The following ALG13 variants were observed in gnomAD, a reference collection of about 807,000 sequenced individuals.
ALG13 encodes the protein UDP-N-acetylglucosamine transferase subunit ALG13.
Under a neutral mutation model 87.8 loss-of-function variants are expected in ALG13, and 11 were observed. The observed-to-expected ratio is 0.13, with a 90% CI of 0.08 to 0.21. The LOEUF is 0.21. Among genes scored for constraint, ALG13 ranks in the 10% least tolerant of loss-of-function variants. The pLI, the probability that ALG13 is intolerant of heterozygous loss-of-function variation, is 1.00. For synonymous variants in ALG13, 320 were observed against 306.3 expected (o/e 1.04, Z -0.47); for missense variants, 756 against 866.1 (o/e 0.87, Z 1.60).
intron 21 of ALG13, among the ~76,000 whole-genome samples, chrX:111,732,335 G>T (rs773321771): frequency 5.4e-5 from 6 of 111,969 alleles, no homozygotes; most frequent in Non-Finnish European, 9.4e-5. Flanking sequence ...GTCAAGCTAG[G>T]TTATGCTGCA....
At chrX:111,704,500 G>A (rs762072443) in intron 3 of ALG13, among the ~76,000 whole-genome samples, 2 of 112,075 alleles carry the variant, frequency 1.8e-5, no homozygotes, top group African/African-American at 6.5e-5. Context: ...TTATGCAGGG[G>A]ATTGAACTAT....
chrX:111,744,506 C>G (rs1410037373), intron 23 of ALG13, among the ~76,000 whole-genome samples, 162 bp from the exon 24 acceptor site: 1 of 111,225 alleles, frequency 9.0e-6, no homozygotes, highest in Non-Finnish European at 1.9e-5. Flanking sequence ...ATTGGTATGT[C>G]TAAGAGAATG....
intron 3 of ALG13, among the ~76,000 whole-genome samples, chrX:111,699,996 T>G (rs903161605): frequency 2.7e-5 from 3 of 109,424 alleles, no homozygotes; most frequent in Non-Finnish European, 5.7e-5. Flanking sequence ...CACAATATTC[T>G]TCCAATCCAT....
intron 13 of ALG13, among the ~76,000 whole-genome samples, chrX:111,723,569 C>T (rs576707843): frequency 6.7e-4 from 73 of 108,888 alleles, no homozygotes; most frequent in South Asian, 1.9e-3. Context: ...CACACCCAGC[C>T]GAAAAAAAAA....
chrX:111,701,691 C>T (rs1937904161), intron 3 of ALG13, among the ~76,000 whole-genome samples: 1 of 111,102 alleles, frequency 9.0e-6, no homozygotes, highest in Admixed American at 9.5e-5. Flanking sequence ...TTTATTTATG[C>T]TCTGATCTTT....
chrX:111,694,622 A>G (rs896791181), intron 3 of ALG13, among the ~76,000 whole-genome samples: 6 of 112,093 alleles, frequency 5.4e-5, no homozygotes, highest in African/African-American at 1.9e-4. Flanking sequence ...GTGTGCTACT[A>G]AAGTACTTGG....
At chrX:111,694,043 A>G (rs768355144) in intron 3 of ALG13, among the ~76,000 whole-genome samples, 39 of 106,582 alleles carry the variant, frequency 3.7e-4, no homozygotes, top group African/African-American at 1.4e-3. Context: ...TTCTATTTTT[A>G]TTTATTTATT....
chrX:111,682,362 C>T lies in ALG13; in HGVS notation c.244+68C>T, dbSNP rs188094350. 4.2e-4 allele frequency: 381 copies of T among 917,675 alleles called. No individual in the cohort carries two copies. The African/African-American group carries it at 7.1e-3, about 17-fold the overall frequency. The allele number at this position is 917,675 out of a possible 1,213,427, so 75.6% of individuals were successfully genotyped here. A position where few individuals can be genotyped will look rare whatever the true frequency, so the allele number is the denominator to read the frequency against. On this transcript the variant is annotated intron_variant, in intron 2 of 26. Coordinates refer to ENST00000394780, the MANE Select transcript of ALG13 (RefSeq NM_001099922.3). ...AATTTTTTTTAAGTTCTGGGGTATTCTGGGGGTACATGTGCAGGATGTGCG... is the reference window on the plus strand; with the variant it reads ...AATTTTTTTTAAGTTCTGGGGTATTTTGGGGGTACATGTGCAGGATGTGCG...
intron 3 of ALG13, among the ~76,000 whole-genome samples, chrX:111,692,462 G>A (rs1466506319): frequency 9.0e-6 from 1 of 111,229 alleles, no homozygotes; most frequent in Non-Finnish European, 1.9e-5. Context: ...TCTTGATTAG[G>A]ATTAGGTATT....
At chrX:111,719,017 T>A (rs985418889) in intron 10 of ALG13, among the ~76,000 whole-genome samples, 2 of 100,825 alleles carry the variant, frequency 2.0e-5, no homozygotes, top group Non-Finnish European at 3.8e-5. Context: ...AAGCTTACAA[T>A]TTTTTTTCTT....
At chrX:111,690,077 A>G (rs1695508477) in intron 3 of ALG13, 2 of 742,753 alleles carry the variant, frequency 2.7e-6, no homozygotes, top group Non-Finnish European at 3.2e-6. Flanking sequence ...AATTTAAAGA[A>G]TATTTTAAAC....
intron 26 of ALG13, among the ~76,000 whole-genome samples, chrX:111,759,082 T>C (rs1490093507): frequency 9.1e-6 from 1 of 110,469 alleles, no homozygotes; most frequent in Non-Finnish European, 1.9e-5. Flanking sequence ...TTTTTAATTG[T>C]AGTTAACTAT....
At chrX:111,711,642 T>A in intron 5 of ALG13, 33 bp from the exon 6 acceptor site, 1 of 1,169,985 alleles carries the variant, frequency 8.5e-7, no homozygotes, top group East Asian at 3.0e-5. Flanking sequence ...ATGCTGTGTA[T>A]TTGGTTAAGT....
At chrX:111,734,127 G>T (rs770938316) in intron 21 of ALG13, among the ~76,000 whole-genome samples, 1 of 112,254 alleles carries the variant, frequency 8.9e-6, no homozygotes, top group Admixed American at 9.4e-5. Flanking sequence ...TACTCTGCTG[G>T]TTTTTTCTTT....
At chrX:111,732,742 C>T (rs1419637447) in intron 21 of ALG13, among the ~76,000 whole-genome samples, 1 of 111,705 alleles carries the variant, frequency 9.0e-6, no homozygotes, top group African/African-American at 3.3e-5. Context: ...AGACAATATA[C>T]CTTAGGAAGG....
intron 10 of ALG13, among the ~76,000 whole-genome samples, chrX:111,719,874 G>T (rs1941190113): frequency 8.9e-6 from 1 of 112,098 alleles, no homozygotes; most frequent in South Asian, 3.7e-4. Flanking sequence ...CTAAGAGTGT[G>T]TTCTCACAGG....
intron 3 of ALG13, chrX:111,686,258 A>T (rs573127783): frequency 2.4e-6 from 1 of 419,457 alleles, no homozygotes; most frequent in South Asian, 1.2e-4. Flanking sequence ...ATTACTATAT[A>T]TGTGTATATA....
Position 111,720,151 on chromosome X carries a change from A to G in ALG13, c.1307A>G (p.Lys436Arg). 2 of 1,183,634 alleles carry G rather than the reference A, an allele frequency of 1.7e-6. No individual in the cohort carries two copies. The highest frequency in any genetic ancestry group is 2.3e-6 in the Non-Finnish European group (2 of 879,148). The change falls in exon 11 of 27, where the codon AAA becomes AGA. Residue 436 changes from lysine (K) to arginine (R), a missense_variant. Coordinates refer to ENST00000394780, the MANE Select transcript of ALG13 (RefSeq NM_001099922.3). Reference sequence around the variant, plus strand: ...GAAAATATACCAGAGGGCTACAATAAAGGAACAGAAGAAACAAAGGTTTGA... The same window carrying G: ...GAAAATATACCAGAGGGCTACAATAGAGGAACAGAAGAAACAAAGGTTTGA... Reference protein sequence around the residue: ...NAENIPEGYNKGTEETKSPEN... With the variant: ...NAENIPEGYNRGTEETKSPEN...
At chrX:111,694,827 A>G (rs1018140629) in intron 3 of ALG13, among the ~76,000 whole-genome samples, 2 of 112,132 alleles carry the variant, frequency 1.8e-5, no homozygotes, top group African/African-American at 6.5e-5. Flanking sequence ...CTAAATTAGT[A>G]GTTTTCTGGA....
Sources: gnomAD v4.1 joint callset for allele counts (sites outside exome capture counted in the v4.1 genomes callset) on GRCh38, gnomAD v4.1.1 for gene constraint, MANE v1.5 for transcripts, NCBI Gene and HGNC (gene_info 2026-07-23, HGNC 2026-07-21) for gene names.